The following NCKAP1 variants were observed in gnomAD, a reference collection of about 807,000 sequenced individuals.
The protein encoded by NCKAP1 is NCK associated protein 1.
NCKAP1 carries 21 observed loss-of-function variants against 151.2 expected under a neutral mutation model. That is an observed-to-expected ratio of 0.14 (90% CI 0.10 to 0.20). The LOEUF is 0.20. Ranked by LOEUF, NCKAP1 falls within the 10% of genes least tolerant of loss-of-function variation. NCKAP1 has a pLI of 1.00. For missense variants in NCKAP1, 933 were observed against 1,352.1 expected (o/e 0.69, Z 4.86); for synonymous variants, 484 against 451.8 (o/e 1.07, Z -0.90).
chr2:183,023,752 T>C, intron 2 of NCKAP1, 54 bp downstream of exon 2: 1 of 1,403,018 alleles, frequency 7.1e-7, no homozygotes, highest in South Asian at 1.2e-5. Flanking sequence ...TGTTGACCAC[T>C]GTTTCTCTAA....
intron 2 of NCKAP1, among the ~76,000 whole-genome samples, chr2:183,021,842 T>C (rs1698803479): frequency 6.6e-6 from 1 of 152,140 alleles, no homozygotes; most frequent in South Asian, 2.1e-4. Context: ...TGGGTGGTGA[T>C]GAAAATGTTC....
At position 182,924,374 on chromosome 2, in the gene NCKAP1, T is replaced by C. The variant is rs1270328556; in HGVS notation, c.*1328A>G. The C allele has an allele frequency of 6.6e-6, 1 of 152,212 alleles. No homozygotes were observed. Among genetic ancestry groups the C allele is most frequent in the Non-Finnish European group, 1.5e-5 (1 of 68,036 alleles). The allele number at this position is 152,212 out of a possible 1,614,324, so 9.4% of individuals were successfully genotyped here. ...TAAGAAGCTGTGAACAGAAGCTCTT[T>C]ATGATATTCATATACAAAGCTGCTG... On this transcript the variant is annotated 3_prime_UTR_variant, in exon 31 of 31. Transcript: ENST00000361354.
At chr2:183,019,701 A>C (rs551720689) in intron 2 of NCKAP1, among the ~76,000 whole-genome samples, 2 of 152,350 alleles carry the variant, frequency 1.3e-5, no homozygotes, top group Admixed American at 1.3e-4. Context: ...ACATTAGATA[A>C]CAAGTGGCTG....
intron 1 of NCKAP1, among the ~76,000 whole-genome samples, 158 bp downstream of exon 1, chr2:183,037,834 C>T (rs922308764): frequency 2.0e-5 from 3 of 151,976 alleles, no homozygotes; most frequent in African/African-American, 4.8e-5. Flanking sequence ...CCGCATTAGG[C>T]CGCGGCGCAT....
At chr2:183,021,917 C>T (rs1260288739) in intron 2 of NCKAP1, among the ~76,000 whole-genome samples, 6 of 152,276 alleles carry the variant, frequency 3.9e-5, no homozygotes, top group East Asian at 1.9e-4. Flanking sequence ...TGAAACTGTA[C>T]ACTTTGAATG....
At chr2:182,974,950 CT>C (rs1697775324) in intron 15 of NCKAP1, among the ~76,000 whole-genome samples, 1 of 152,150 alleles carries the variant, frequency 6.6e-6, no homozygotes, top group Non-Finnish European at 1.5e-5. Context: ...TTTGCAGTGA[CT>C]GAAAAAGGCT....
intron 24 of NCKAP1, among the ~76,000 whole-genome samples, chr2:182,940,674 A>G (rs1696977807): frequency 2.0e-5 from 3 of 152,200 alleles, no homozygotes; most frequent in Non-Finnish European, 2.9e-5. Context: ...TCCTGATCTC[A>G]AGTGATCTGC....
rs2105788918 is a variant in NCKAP1, at chr2:182,917,794, C to T, written c.*7908G>A. The stretch of plus-strand genomic sequence containing the variant: ...CTAAAACAAATATTTTTAACATTCA[C>T]AAATATGTGACATATTATCTACTAT... On this transcript the variant is annotated 3_prime_UTR_variant, in exon 31 of 31. Coordinates refer to ENST00000361354, the MANE Select transcript of NCKAP1 (RefSeq NM_013436.5). The T allele has an allele frequency of 6.6e-6, 1 of 152,196 alleles. No individual in the cohort carries two copies. Among genetic ancestry groups the T allele is most frequent in the Middle Eastern group, 3.4e-3 (1 of 294 alleles). The allele number at this position is 152,196 out of a possible 1,614,324, so 9.4% of individuals were successfully genotyped here.
At chr2:182,938,139 C>T (rs989151017) in intron 24 of NCKAP1, among the ~76,000 whole-genome samples, 2 of 152,122 alleles carry the variant, frequency 1.3e-5, no homozygotes, top group African/African-American at 4.8e-5. Flanking sequence ...GTTACATGTC[C>T]CTGGGTTATA....
At chr2:183,000,773 T>C (rs1698360410) in intron 6 of NCKAP1, among the ~76,000 whole-genome samples, 1 of 151,920 alleles carries the variant, frequency 6.6e-6, no homozygotes, top group African/African-American at 2.4e-5. Flanking sequence ...TCAAAGAAAA[T>C]TATTGGTGTT....
At position 183,023,920 on chromosome 2, in the gene NCKAP1, TA is replaced by T; in HGVS notation, c.109-5del. The T allele has an allele frequency of 6.3e-7, 1 of 1,576,680 alleles. No individual in the cohort carries two copies. Among genetic ancestry groups the T allele is most frequent in the Non-Finnish European group, 8.6e-7 (1 of 1,157,498 alleles). ...TTGCCTTGGGGTCTCCACATGCCTA[TA>T]AAACAACAGTAATAAAAAAAAGTGA... On this transcript the variant is annotated splice_polypyrimidine_tract_variant and splice_region_variant and intron_variant, in intron 1 of 30. Transcript: ENST00000361354.
In NCKAP1 at chr2:182,986,326, A is replaced by G. The variant is rs1177171306; in HGVS notation, c.948-99T>C. 9 of 1,018,716 alleles carry G rather than the reference A, an allele frequency of 8.8e-6. No individual in the cohort carries two copies. The Admixed American group carries it at 1.8e-4, about 21-fold the overall frequency. The allele number at this position is 1,018,716 out of a possible 1,614,324, so 63.1% of individuals were successfully genotyped here. ...GAAGTCAATTAAAAATGACATTATCAATTCAGAAACTGGCCATCAAACTGG... is the reference window on the plus strand; with the variant it reads ...GAAGTCAATTAAAAATGACATTATCGATTCAGAAACTGGCCATCAAACTGG... On this transcript the variant is annotated intron_variant, in intron 9 of 30. Coordinates refer to ENST00000361354, the MANE Select transcript of NCKAP1 (RefSeq NM_013436.5).
intron 15 of NCKAP1, among the ~76,000 whole-genome samples, chr2:182,968,902 G>A (rs545069227): frequency 6.6e-6 from 1 of 152,320 alleles, no homozygotes; most frequent in South Asian, 2.1e-4. Context: ...ACTATTCAAT[G>A]AGACAGTGAC....
In NCKAP1 at chr2:182,957,547, T is replaced by C; in HGVS notation, c.1931A>G (p.Lys644Arg). Residue 644 changes from lysine to arginine, a missense_variant, in exon 19 of 31, where the codon AAA (lysine) becomes AGA (arginine). By Grantham distance (26) the Lys-to-Arg change is conservative. Transcript: ENST00000361354. The stretch of plus-strand genomic sequence containing the variant: ...TTTCTTACCAGTCTGCTTTTTTGAT[T>C]TCTTATTCACTGCTTGACTGATAGT... Reference protein sequence around the residue: ...AKTISQAVNKKSKKQTGKKGE... With the variant: ...AKTISQAVNKRSKKQTGKKGE... 6.2e-7 allele frequency: 1 copy of C among 1,614,002 alleles called. No individual in the cohort carries two copies. Among genetic ancestry groups the C allele is most frequent in the Non-Finnish European group, 8.5e-7 (1 of 1,179,940 alleles).
chr2:182,983,977 G>A (rs1032208381), intron 10 of NCKAP1, among the ~76,000 whole-genome samples: 15 of 151,444 alleles, frequency 9.9e-5, no homozygotes, highest in African/African-American at 3.2e-4. Flanking sequence ...GTTGCAGTGA[G>A]CTGAGATCAT....
chr2:182,966,340 C>A (rs1697569122), intron 16 of NCKAP1, among the ~76,000 whole-genome samples: 1 of 151,960 alleles, frequency 6.6e-6, no homozygotes, highest in Non-Finnish European at 1.5e-5. Context: ...GACTGGAGTG[C>A]AGTGGCGTGA....
At chr2:183,014,358 A>C (rs1211268380) in intron 2 of NCKAP1, among the ~76,000 whole-genome samples, 2 of 152,210 alleles carry the variant, frequency 1.3e-5, no homozygotes, top group Non-Finnish European at 2.9e-5. Context: ...CTAGTGAAAG[A>C]ACATGGGAAA....
At chr2:182,950,147 C>A (rs563017860) in intron 23 of NCKAP1, among the ~76,000 whole-genome samples, 1 of 152,206 alleles carries the variant, frequency 6.6e-6, no homozygotes, top group African/African-American at 2.4e-5. Flanking sequence ...TCAGGCCAGC[C>A]ATGCTAGAAA....
At chr2:182,949,288 A>G (rs914624162) in intron 23 of NCKAP1, among the ~76,000 whole-genome samples, 1 of 152,194 alleles carries the variant, frequency 6.6e-6, no homozygotes, top group African/African-American at 2.4e-5. Flanking sequence ...TCAGCTCTAC[A>G]GGCAGTGTAG....
Sources: allele counts gnomAD v4.1 joint callset (sites outside exome capture counted in the v4.1 genomes callset), GRCh38; gene constraint gnomAD v4.1.1; transcripts MANE v1.5; gene names NCBI Gene and HGNC (gene_info 2026-07-23, HGNC 2026-07-21).